RAPGEF4: variants seen among roughly 807,000 people sequenced by gnomAD.
RAPGEF4 encodes Rap guanine nucleotide exchange factor 4.
RAPGEF4 carries 66 observed loss-of-function variants against 147.9 expected under a neutral mutation model. That is an observed-to-expected ratio of 0.45 (90% confidence interval 0.37 to 0.55). RAPGEF4 has a LOEUF of 0.55. RAPGEF4 is among the 20% of genes least tolerant of loss of function. The probability of loss-of-function intolerance (pLI) is 0.00; values close to 1 mark genes in which losing one functional copy is unlikely to be tolerated. For synonymous variants in RAPGEF4, 419 were observed against 442.7 expected (o/e 0.95, Z 0.67); for missense variants, 1,071 against 1,257.3 (o/e 0.85, Z 2.24).
At chr2:172,823,558 A>C (rs1212099777) in intron 4 of RAPGEF4, among the ~76,000 whole-genome samples, 8 of 152,130 alleles carry the variant, frequency 5.3e-5, no homozygotes, top group Non-Finnish European at 1.2e-4. Flanking sequence ...CTTTATGTGT[A>C]GAAAGCCCTG....
intron 6 of RAPGEF4, among the ~76,000 whole-genome samples, chr2:172,956,692 G>A (rs937135645): frequency 6.6e-6 from 1 of 152,004 alleles, no homozygotes; most frequent in Non-Finnish European, 1.5e-5. Context: ...GGTTGGTCTC[G>A]ATCTCCTGAC....
intron 4 of RAPGEF4, among the ~76,000 whole-genome samples, chr2:172,861,029 A>G (rs1693980705): frequency 6.6e-6 from 1 of 152,220 alleles, no homozygotes; most frequent in Non-Finnish European, 1.5e-5. Context: ...CTCTGATTTC[A>G]CAGTTTATTT....
At chr2:172,755,268 T>A (rs1006459275) in intron 1 of RAPGEF4, among the ~76,000 whole-genome samples, 2 of 152,182 alleles carry the variant, frequency 1.3e-5, no homozygotes, top group East Asian at 3.9e-4. Context: ...TTAGGTAAGA[T>A]TAAATGACCA....
At chr2:173,011,158 C>G (rs1367275064) in intron 17 of RAPGEF4, among the ~76,000 whole-genome samples, 1 of 35,656 alleles carries the variant, frequency 2.8e-5, no homozygotes, top group African/African-American at 1.4e-4. Flanking sequence ...CTTGGAACTT[C>G]AGCGCGCGCG....
At chr2:172,988,542 C>A in intron 13 of RAPGEF4, 151 bp from the exon 14 acceptor site, 1 of 1,092,202 alleles carries the variant, frequency 9.2e-7, no homozygotes, top group Non-Finnish European at 1.3e-6. Context: ...AAGTGAACAT[C>A]ATAATGTAAT....
chr2:172,819,617 C>T lies in RAPGEF4; in HGVS notation c.444+5192C>T, dbSNP rs956626641. On this transcript the variant is annotated intron_variant, in intron 4 of 30. Coordinates refer to ENST00000397081, the MANE Select transcript of RAPGEF4 (RefSeq NM_007023.4). ...AGTAGCTGGGACTACAGGCGCCCGC[C>T]ACTACGCCCGGCTAATTTTTTGTAT... Among the ~76,000 whole-genome samples the T allele has an allele frequency of 7.3e-5, 11 of 151,322 alleles. No individual in the cohort carries two copies. In the East Asian group the frequency reaches 2.1e-3, roughly 29 times the overall value.
chr2:172,814,108 G>C (rs1688277631), intron 3 of RAPGEF4, among the ~76,000 whole-genome samples, 171 bp from the exon 4 acceptor site: 1 of 152,192 alleles, frequency 6.6e-6, no homozygotes, highest in Non-Finnish European at 1.5e-5. Context: ...GAAATGTTCT[G>C]TCTTGATCTG....
At chr2:172,896,995 G>A (rs745527332) in intron 4 of RAPGEF4, among the ~76,000 whole-genome samples, 9 of 152,226 alleles carry the variant, frequency 5.9e-5, no homozygotes, top group South Asian at 4.2e-4. Context: ...TTTGGGCTCC[G>A]TGTGGGTAAA....
chr2:172,908,737 G>A (rs975356673), intron 4 of RAPGEF4, among the ~76,000 whole-genome samples: 2 of 152,150 alleles, frequency 1.3e-5, no homozygotes, highest in Admixed American at 6.5e-5. Flanking sequence ...GGGGCTGAAG[G>A]CCATGCTTGT....
At chr2:172,983,728 A>T in intron 11 of RAPGEF4, 148 bp downstream of exon 11, 1 of 1,400,314 alleles carries the variant, frequency 7.1e-7, no homozygotes, top group South Asian at 1.7e-5. Context: ...GATGCTGAGG[A>T]AGTTATACCC....
chr2:173,022,282 T>C (rs1696175314), intron 23 of RAPGEF4, among the ~76,000 whole-genome samples: 1 of 152,218 alleles, frequency 6.6e-6, no homozygotes, highest in Admixed American at 6.5e-5. Flanking sequence ...CCTCTGTTTG[T>C]TGGCACACAG....
intron 15 of RAPGEF4, among the ~76,000 whole-genome samples, chr2:172,994,522 T>C (rs1322259643): frequency 6.6e-6 from 1 of 152,184 alleles, no homozygotes; most frequent in Non-Finnish European, 1.5e-5. Flanking sequence ...AATATTTAAC[T>C]AGCAGGAGTA....
At chr2:173,035,061 T>C (rs1429373497) in intron 27 of RAPGEF4, among the ~76,000 whole-genome samples, 1 of 151,914 alleles carries the variant, frequency 6.6e-6, no homozygotes. Flanking sequence ...TTTTTATTAT[T>C]ATTATTATTT....
intron 4 of RAPGEF4, among the ~76,000 whole-genome samples, chr2:172,846,928 C>T (rs766497751): frequency 6.6e-5 from 10 of 152,122 alleles, no homozygotes; most frequent in Non-Finnish European, 1.5e-4. Context: ...TTTGGAATTG[C>T]CTGTTTGCAT....
intron 5 of RAPGEF4, among the ~76,000 whole-genome samples, chr2:172,920,291 C>A (rs1045671911): frequency 6.6e-6 from 1 of 152,080 alleles, no homozygotes; most frequent in African/African-American, 2.4e-5. Flanking sequence ...TGTCACCAGG[C>A]ATTTTTGAAA....
chr2:172,970,879 CG>C (rs1371521359), intron 10 of RAPGEF4, among the ~76,000 whole-genome samples: 1 of 152,106 alleles, frequency 6.6e-6, no homozygotes, highest in East Asian at 1.9e-4. Flanking sequence ...TCACAATGCC[CG>C]TCCTGGTTTC....
chr2:172,825,109 G>C (rs1689522055), intron 4 of RAPGEF4, among the ~76,000 whole-genome samples: 1 of 152,138 alleles, frequency 6.6e-6, no homozygotes, highest in African/African-American at 2.4e-5. Flanking sequence ...GATGCACCTA[G>C]ATAAACCCAT....
intron 1 of RAPGEF4, among the ~76,000 whole-genome samples, chr2:172,781,383 C>T (rs1255515790): frequency 6.6e-6 from 1 of 152,102 alleles, no homozygotes; most frequent in African/African-American, 2.4e-5. Context: ...GTGACTCACA[C>T]CTGTAATCCC....
intron 3 of RAPGEF4, among the ~76,000 whole-genome samples, chr2:172,798,149 T>C (rs943130931): frequency 2.6e-5 from 4 of 152,162 alleles, no homozygotes; most frequent in Non-Finnish European, 5.9e-5. Flanking sequence ...ATTTTCCCTC[T>C]AAAGTACAGC....
Sources: allele counts gnomAD v4.1 joint callset (sites outside exome capture counted in the v4.1 genomes callset), GRCh38; gene constraint gnomAD v4.1.1; transcripts MANE v1.5; gene names NCBI Gene and HGNC (gene_info 2026-07-23, HGNC 2026-07-21).